Variants in HK1 observed in about 807,000 individuals in gnomAD.
HK1 encodes the protein hexokinase 1.
HK1 carries 28 observed loss-of-function variants against 91.6 expected under a neutral mutation model. The observed-to-expected ratio is 0.31, with a 90% CI of 0.23 to 0.42. HK1 has a LOEUF of 0.42. HK1 is among the 10% of genes least tolerant of loss of function. HK1 has a pLI of 1.00. For missense variants in HK1, 770 were observed against 1,219.8 expected (o/e 0.63, Z 5.49); for synonymous variants, 430 against 468.1 (o/e 0.92, Z 1.05).
chr10:69,394,270 G>C (rs539802388), intron 15 of HK1, among the ~76,000 whole-genome samples: 1 of 152,346 alleles, frequency 6.6e-6, no homozygotes, highest in Admixed American at 6.5e-5. Context: ...CCAGTGTGTT[G>C]TGGTCACTGA....
At position 69,398,681 on chromosome 10, in the gene HK1, C is replaced by G; in HGVS notation, c.2462C>G (p.Thr821Arg). 1 of 1,614,220 alleles carries G rather than the reference C, an allele frequency of 6.2e-7. No homozygotes were observed. Among genetic ancestry groups the G allele is most frequent in the Non-Finnish European group, 8.5e-7 (1 of 1,180,048 alleles). Reference protein sequence around the residue: ...STCDDSILVKTVCGVVSRRAA... With the variant: ...STCDDSILVKRVCGVVSRRAA... ...TGCGATGACAGTATCCTCGTCAAGACAGTGTGCGGGGTGGTGTCCAGGAGG... is the reference window on the plus strand; with the variant it reads ...TGCGATGACAGTATCCTCGTCAAGAGAGTGTGCGGGGTGGTGTCCAGGAGG... The change falls in exon 17 of 18, where the codon ACA (threonine) becomes AGA (arginine). Residue 821 changes from threonine (T) to arginine (R), a missense_variant. By Grantham distance (71) the Thr-to-Arg change is moderately conservative. This residue lies in a region of HK1 where 78 missense variants were observed against 99.0 expected (regional missense o/e 0.79). Transcript: ENST00000359426.
At chr10:69,343,636 TA>T (rs1399689660) in intron 1 of HK1, among the ~76,000 whole-genome samples, 190 bp from the exon 2 acceptor site, 3 of 152,196 alleles carry the variant, frequency 2.0e-5, no homozygotes, top group African/African-American at 7.2e-5. Flanking sequence ...GGCCAGGAAC[TA>T]GGGCTCAGAG....
intron 11 of HK1, 157 bp from the exon 12 acceptor site, chr10:69,384,639 C>A (rs896805831): frequency 7.1e-7 from 1 of 1,403,224 alleles, no homozygotes; most frequent in South Asian, 1.2e-5. Context: ...GCTTGTGACA[C>A]TCTGGTGGCT....
intron 17 of HK1, among the ~76,000 whole-genome samples, chr10:69,399,503 C>A (rs982570118): frequency 4.6e-5 from 7 of 152,082 alleles, no homozygotes; most frequent in Admixed American, 1.3e-4. Flanking sequence ...CAGAGTGAGA[C>A]CCTATTTCAA....
In HK1 at chr10:69,369,674, T is replaced by C; in HGVS notation, c.875+50T>C. 1 of 1,527,538 alleles carries C rather than the reference T, an allele frequency of 6.5e-7. No individual in the cohort carries two copies. Among genetic ancestry groups the C allele is most frequent in the Non-Finnish European group, 9.0e-7 (1 of 1,110,616 alleles). 94.6% of individuals were successfully genotyped at this position (1,527,538 alleles called of 1,614,324 possible). A position where few individuals can be genotyped will look rare whatever the true frequency, so the allele number is the denominator to read the frequency against. On this transcript the variant is annotated intron_variant, in intron 7 of 17. Coordinates refer to ENST00000359426, the MANE Select transcript of HK1 (RefSeq NM_000188.3). This position sits in a 1 kb window ranked among gnomAD's most constrained non-coding sequence, Gnocchi z 4.4. ...ACCACATATGTGAGTTAGGGGACATTTGATGAAAGATTTGGGATGGGAGAT... is the reference window on the plus strand; with the variant it reads ...ACCACATATGTGAGTTAGGGGACATCTGATGAAAGATTTGGGATGGGAGAT...
chr10:69,320,343 C>T (rs1846936037), intron 1 of HK1, among the ~76,000 whole-genome samples: 2 of 151,938 alleles, frequency 1.3e-5, no homozygotes, highest in Admixed American at 6.6e-5. Context: ...GGGTGGGGAC[C>T]GGGAGTGAGG....
intron 1 of HK1, among the ~76,000 whole-genome samples, chr10:69,274,502 G>C (rs1330901077): frequency 6.6e-6 from 1 of 151,606 alleles, no homozygotes. Flanking sequence ...GGAGGCTGAG[G>C]CAGGAGAATT....
intron 1 of HK1, among the ~76,000 whole-genome samples, chr10:69,333,408 G>A (rs1393499017): frequency 1.3e-5 from 2 of 152,222 alleles, no homozygotes; most frequent in Non-Finnish European, 2.9e-5. Context: ...AGGCTGAGAA[G>A]TAAGCCTGTT....
intron 7 of HK1, among the ~76,000 whole-genome samples, chr10:69,371,371 A>G (rs1490636031): frequency 8.1e-6 from 1 of 123,394 alleles, no homozygotes; most frequent in Non-Finnish European, 1.6e-5. Flanking sequence ...TGAACTTATT[A>G]CTGTGCCTAT....
chr10:69,349,052 T>C (rs554993160), intron 2 of HK1, among the ~76,000 whole-genome samples: 2 of 152,158 alleles, frequency 1.3e-5, no homozygotes, highest in African/African-American at 4.8e-5. Context: ...TCAGTGGAAA[T>C]GAGAAATGTG....
chr10:69,298,191 A>G (rs549668572), intron 4 of HK1, among the ~76,000 whole-genome samples: 66 of 151,886 alleles, frequency 4.3e-4, no homozygotes, highest in Admixed American at 4.2e-3. Context: ...AGCCTGGGCA[A>G]GAAGAGAGAA....
At chr10:69,329,629 A>C (rs1003360848) in intron 1 of HK1, among the ~76,000 whole-genome samples, 3 of 152,134 alleles carry the variant, frequency 2.0e-5, no homozygotes, top group African/African-American at 7.2e-5. Flanking sequence ...CTCATGAATG[A>C]CAGGGATAGG....
chr10:69,313,507 G>T (rs957421167), upstream of HK1, among the ~76,000 whole-genome samples: 1 of 152,134 alleles, frequency 6.6e-6, no homozygotes, highest in Non-Finnish European at 1.5e-5. Flanking sequence ...TTGTGGCCCA[G>T]ACTGGAGGGC....
In HK1 at chr10:69,334,234, C is replaced by T. The variant is rs568914020; in HGVS notation, c.64-9593C>T. Among the ~76,000 whole-genome samples, 12 of 152,218 alleles carry T rather than the reference C, an allele frequency of 7.9e-5. No individual in the cohort carries two copies. In the South Asian group the frequency reaches 1.5e-3, roughly 18 times the overall value. On this transcript the variant is annotated intron_variant, in intron 1 of 17. Transcript: ENST00000359426. ...CACATATGAACCTGGAAGAAGAGAC[C>T]GGGCAAGGCTGTGTCCCCAGGATGG... is the stretch of plus-strand genomic sequence containing the variant.
intron 7 of HK1, among the ~76,000 whole-genome samples, chr10:69,375,430 G>A (rs902586678): frequency 6.6e-6 from 1 of 152,180 alleles, no homozygotes; most frequent in African/African-American, 2.4e-5. Context: ...GTTCCCACAG[G>A]AGCCTGGGGT....
chr10:69,300,834 G>A (rs371374274), exon 5 of HK1: 55 of 1,608,162 alleles, frequency 3.4e-5, no homozygotes, highest in Non-Finnish European at 4.5e-5. Context: ...GGCGTGGAAA[G>A]ATGGCAAAAA....
intron 14 of HK1, 53 bp downstream of exon 14, chr10:69,389,349 C>A: frequency 7.2e-7 from 1 of 1,382,932 alleles, no homozygotes; most frequent in South Asian, 1.2e-5. Flanking sequence ...TGGGGTTTCC[C>A]CGTTTTGTGG....
chr10:69,399,252 T>C (rs1840280982), intron 17 of HK1, among the ~76,000 whole-genome samples: 1 of 152,196 alleles, frequency 6.6e-6, no homozygotes, highest in Non-Finnish European at 1.5e-5. Context: ...GGTTCACACC[T>C]GTAATCCAGC....
intron 2 of HK1, among the ~76,000 whole-genome samples, chr10:69,284,560 T>A (rs1384083262): frequency 6.6e-6 from 1 of 152,140 alleles, no homozygotes. Context: ...ACTCGTGTAA[T>A]CCCAGCACTT....
Sources: allele counts gnomAD v4.1 joint callset (sites outside exome capture counted in the v4.1 genomes callset), GRCh38; gene constraint gnomAD v4.1.1; regional missense constraint gnomAD v4.1.1; non-coding constraint Gnocchi (gnomAD v3.1); transcripts MANE v1.5; gene names NCBI Gene and HGNC (gene_info 2026-07-23, HGNC 2026-07-21).